The following AKAP6 variants were observed in gnomAD, a reference collection of about 807,000 sequenced individuals.
AKAP6 encodes the protein A-kinase anchor protein 6.
Under a neutral mutation model 188.5 loss-of-function variants are expected in AKAP6, and 58 were observed. The ratio of observed to expected loss-of-function variants is 0.31; its 90% CI spans 0.25 to 0.38. The LOEUF (loss-of-function observed/expected upper bound fraction) is 0.38. AKAP6 is among the 10% of genes least tolerant of loss of function. AKAP6 has a pLI of 1.00. For missense variants in AKAP6, 2,710 were observed against 2,740.0 expected, an observed-to-expected ratio of 0.99 and a Z score of 0.24; for synonymous variants, 989 against 998.6, an observed-to-expected ratio of 0.99 and a Z score of 0.18.
At chr14:32,534,842 G>A (rs535877290) in intron 2 of AKAP6, among the ~76,000 whole-genome samples, 10 of 151,902 alleles carry the variant, frequency 6.6e-5, no homozygotes, top group African/African-American at 2.2e-4. Flanking sequence ...GCAGCCGCCT[G>A]TAATCTCAGC....
intron 1 of AKAP6, among the ~76,000 whole-genome samples, chr14:32,361,579 G>T (rs914065891): frequency 8.6e-5 from 13 of 152,024 alleles, no homozygotes; most frequent in African/African-American, 3.1e-4. Flanking sequence ...ATATGAGGGA[G>T]TAATTAGCTT....
chr14:32,433,771 A>G lies in AKAP6; in HGVS notation c.278A>G (p.Gln93Arg), dbSNP rs2138708950. The G allele has an allele frequency of 1.9e-6, 3 of 1,614,188 alleles. No individual in the cohort carries two copies. Among genetic ancestry groups the G allele is most frequent in the South Asian group, 1.1e-5 (1 of 91,086 alleles). The change falls in exon 2 of 14, where the codon CAG (glutamine) becomes CGG (arginine). Residue 93 changes from glutamine (Q) to arginine (R), a missense_variant. Transcript: ENST00000280979. The part of the protein sequence containing the change: ...RVRDLTYSVQ[Q>R]DSDSKHVDVH... ...CGAGACCTAACCTATTCAGTCCAGC[A>G]GGATTCGGACAGCAAGCATGTGGAT...
At chr14:32,398,752 A>G (rs558684031) in intron 1 of AKAP6, among the ~76,000 whole-genome samples, 13 of 145,892 alleles carry the variant, frequency 8.9e-5, no homozygotes, top group African/African-American at 3.1e-4. Flanking sequence ...TTTACACACT[A>G]TATGTTTGCC....
At chr14:32,463,663 C>T (rs576628788) in intron 2 of AKAP6, among the ~76,000 whole-genome samples, 10 of 152,130 alleles carry the variant, frequency 6.6e-5, no homozygotes, top group African/African-American at 2.4e-4. Flanking sequence ...GATCTAAAAT[C>T]AACACCCTAA....
intron 1 of AKAP6, among the ~76,000 whole-genome samples, chr14:32,407,806 G>A (rs1191332003): frequency 6.6e-6 from 1 of 152,110 alleles, no homozygotes; most frequent in African/African-American, 2.4e-5. Flanking sequence ...AAATCCCCAC[G>A]GATTCTGGAT....
At chr14:32,402,729 A>AT (rs56811727) in intron 1 of AKAP6, among the ~76,000 whole-genome samples, 206 of 144,574 alleles carry the variant, frequency 1.4e-3, no homozygotes, top group Admixed American at 3.1e-3. Flanking sequence ...TGGTTGGTTG[A>AT]TTTTTTTTTT....
chr14:32,534,992 A>C (rs1490805962), intron 2 of AKAP6, among the ~76,000 whole-genome samples: 1 of 145,396 alleles, frequency 6.9e-6, no homozygotes, highest in African/African-American at 2.8e-5. Context: ...AACAAACCAA[A>C]AAAAAAAAAA....
rs1182015679 is a variant in AKAP6, at chr14:32,837,248, A to G, written c.*7443A>G. ...TAATTTAACACAAATGCATAAAAAT[A>G]TGATGTAATAAGAAACAATCCTGAA... On this transcript the variant is annotated 3_prime_UTR_variant, in exon 14 of 14. Transcript: ENST00000280979. The G allele has an allele frequency of 6.6e-6, 1 of 152,256 alleles. No homozygotes were observed. The highest frequency in any genetic ancestry group is 2.4e-5 in the African/African-American group (1 of 41,470). 9.4% of individuals were successfully genotyped at this position (152,256 alleles called of 1,614,324 possible).
At chr14:32,476,630 T>C (rs1191128755) in intron 2 of AKAP6, among the ~76,000 whole-genome samples, 1 of 152,212 alleles carries the variant, frequency 6.6e-6, no homozygotes, top group Non-Finnish European at 1.5e-5. Flanking sequence ...GGCCGCAAGT[T>C]GAAGATCTTT....
Position 32,627,276 on chromosome 14 carries a change from G to C in AKAP6, c.2730+26484G>C, listed in dbSNP as rs59956748. ...TAATCAGCGTGAAAATCAGAAAAAC[G>C]AAATAAATGAACTTTGAATTGGGGT... On this transcript the variant is annotated intron_variant, in intron 7 of 13. Transcript: ENST00000280979. 3.3e-5 allele frequency among the ~76,000 whole-genome samples: 5 copies of C among 151,954 alleles called. No individual in the cohort carries two copies. In the South Asian group the frequency reaches 8.3e-4, roughly 25 times the overall value.
chr14:32,777,028 C>G, intron 12 of AKAP6, among the ~76,000 whole-genome samples: 1 of 152,138 alleles, frequency 6.6e-6, no homozygotes, highest in Non-Finnish European at 1.5e-5. Context: ...ATTCCCTTTT[C>G]CCTCACTCAT....
rs569214222 is a variant in AKAP6 at position 32,407,418 on chromosome 14, C to T, written c.-34-26042C>T. On this transcript the variant is annotated intron_variant, in intron 1 of 13. Coordinates refer to ENST00000280979, the MANE Select transcript of AKAP6 (RefSeq NM_004274.5). Reference sequence around the variant, plus strand: ...CAGCTCGGCTATGTGTGAGGAGATCCCCACACAGGCTCAGAAAGGAGCCTC... The same window carrying T: ...CAGCTCGGCTATGTGTGAGGAGATCTCCACACAGGCTCAGAAAGGAGCCTC... Among the ~76,000 whole-genome samples, 96 of 152,216 alleles carry T rather than the reference C, an allele frequency of 6.3e-4. 1 individual carries two copies. The highest frequency in any genetic ancestry group is 2.2e-3 in the African/African-American group (92 of 41,536).
At chr14:32,684,427 G>GGAGTA (rs1220764172) in intron 8 of AKAP6, among the ~76,000 whole-genome samples, 2 of 152,168 alleles carry the variant, frequency 1.3e-5, no homozygotes, top group Non-Finnish European at 2.9e-5. Context: ...ACAGAATTGA[G>GGAGTA]GAGTACGGTT....
intron 4 of AKAP6, among the ~76,000 whole-genome samples, chr14:32,550,740 A>G (rs376704044): frequency 6.6e-6 from 1 of 152,198 alleles, no homozygotes; most frequent in African/African-American, 2.4e-5. Context: ...GGCATCTGCT[A>G]GGCATTTTAC....
rs150823107 is a variant in AKAP6, at chr14:32,388,127, G to C, written c.-34-45333G>C. Among the ~76,000 whole-genome samples the C allele has an allele frequency of 1.6e-3, 242 of 152,072 alleles. 1 individual carries two copies. Among genetic ancestry groups the C allele is most frequent in the African/African-American group, 5.6e-3 (234 of 41,534 alleles). The stretch of plus-strand genomic sequence containing the variant: ...ATCTCTTCTAGGTTTTCTAGTTTAT[G>C]TGCATAAAGGTGTTCATAGTAGCCT... On this transcript the variant is annotated intron_variant, in intron 1 of 13. Transcript: ENST00000280979.
At chr14:32,356,749 A>G (rs1005075371) in intron 1 of AKAP6, among the ~76,000 whole-genome samples, 1 of 151,792 alleles carries the variant, frequency 6.6e-6, no homozygotes, top group Admixed American at 6.6e-5. Flanking sequence ...TGCTTTAACC[A>G]TTTAAACATA....
chr14:32,541,065 AAAAT>A (rs1233552201), intron 3 of AKAP6, among the ~76,000 whole-genome samples: 1 of 151,996 alleles, frequency 6.6e-6, no homozygotes, highest in East Asian at 1.9e-4. Context: ...CTATGGAAAT[AAAAT>A]AAATAAAAAT....
intron 4 of AKAP6, among the ~76,000 whole-genome samples, chr14:32,552,846 A>G (rs957071936): frequency 6.6e-6 from 1 of 152,236 alleles, no homozygotes; most frequent in Non-Finnish European, 1.5e-5. Context: ...TGTGGAACTC[A>G]TAGGGAGAAT....
chr14:32,531,187 C>T (rs1301154799), intron 2 of AKAP6, among the ~76,000 whole-genome samples: 2 of 152,144 alleles, frequency 1.3e-5, no homozygotes, highest in African/African-American at 4.8e-5. Flanking sequence ...GGTCACTTTC[C>T]CACATTAGCA....
Sources: allele counts gnomAD v4.1 joint callset (sites outside exome capture counted in the v4.1 genomes callset), GRCh38; gene constraint gnomAD v4.1.1; transcripts MANE v1.5; gene names NCBI Gene and HGNC (gene_info 2026-07-23, HGNC 2026-07-21).